The following ODR4 variants were observed in gnomAD, a reference collection of about 807,000 sequenced individuals.
ODR4 encodes the protein protein odr-4 homolog.
Under a neutral mutation model 60.2 loss-of-function variants are expected in ODR4, and 47 were observed. That is an observed-to-expected ratio of 0.78 (90% CI 0.62 to 1.00). ODR4 has a LOEUF of 1.00. ODR4 is among the 50% of genes least tolerant of loss of function. The pLI is 0.00. For synonymous variants in ODR4, 178 were observed against 175.5 expected, an observed-to-expected ratio of 1.01 and a Z score of -0.11; for missense variants, 488 against 530.8, an observed-to-expected ratio of 0.92 and a Z score of 0.79.
the ODR4 span, among the ~76,000 whole-genome samples, chr1:186,427,835 A>G: frequency 6.6e-6 from 1 of 152,228 alleles, no homozygotes; most frequent in African/African-American, 2.4e-5. Context: ...TAGGTATGAA[A>G]CAAACGTTAA....
chr1:186,430,551 T>C, the ODR4 span, among the ~76,000 whole-genome samples: 3 of 152,128 alleles, frequency 2.0e-5, no homozygotes, highest in African/African-American at 7.2e-5. Context: ...TGAATGTCAA[T>C]AAGCTAAGAT....
rs368723197 is a variant in ODR4 at position 186,381,857 on chromosome 1, C to A, written c.100-1165C>A. ...TCTTAACTGAGACCTACTTTCTTTT[C>A]CTGTGTTTATTTGAATGTAACTTCC... On this transcript the variant is annotated intron_variant, in intron 2 of 13. Coordinates refer to ENST00000287859, the MANE Select transcript of ODR4 (RefSeq NM_017847.6). Among the ~76,000 whole-genome samples the A allele has an allele frequency of 2.6e-4, 39 of 152,154 alleles. 1 individual carries two copies. The East Asian group carries it at 2.9e-3, about 11-fold the overall frequency.
intron 9 of ODR4, among the ~76,000 whole-genome samples, chr1:186,394,989 G>C (rs1660614815): frequency 6.6e-6 from 1 of 152,226 alleles, no homozygotes; most frequent in Non-Finnish European, 1.5e-5. Flanking sequence ...ATTTGGTTAA[G>C]ATTATTTTAT....
rs1661712824 is a variant in ODR4 at position 186,419,750 on chromosome 1, A to G, written c.*674A>G. ...TAAATTTAAAAAAAAAAGAATAATA[A>G]TTTGAACAGTGAATGTTGATGTAAC... On this transcript the variant is annotated 3_prime_UTR_variant, in exon 14 of 14. Transcript: ENST00000287859. 6.6e-6 allele frequency: 1 copy of G among 152,114 alleles called. No individual in the cohort carries two copies. Among genetic ancestry groups the G allele is most frequent in the Non-Finnish European group, 1.5e-5 (1 of 68,034 alleles). 9.4% of individuals were successfully genotyped at this position (152,114 alleles called of 1,614,324 possible). A position where few individuals can be genotyped will look rare whatever the true frequency, so the allele number is the denominator to read the frequency against.
At chr1:186,396,857 G>A (rs1660701966) in intron 9 of ODR4, among the ~76,000 whole-genome samples, 1 of 151,916 alleles carries the variant, frequency 6.6e-6, no homozygotes, top group African/African-American at 2.4e-5. Context: ...ATGTAAAATA[G>A]GACATTCTTT....
chr1:186,381,642 A>G (rs369505455), intron 2 of ODR4, among the ~76,000 whole-genome samples: 12 of 151,958 alleles, frequency 7.9e-5, no homozygotes, highest in South Asian at 2.1e-4. Context: ...CCTTCCTTCT[A>G]TCTCTTTTTA....
chr1:186,390,331 G>T (rs965253255), intron 6 of ODR4, among the ~76,000 whole-genome samples: 4 of 152,184 alleles, frequency 2.6e-5, no homozygotes, highest in African/African-American at 9.7e-5. Flanking sequence ...TAGCAAGGAT[G>T]GGACAGAAAG....
At chr1:186,414,545 A>G (rs1379874082) in intron 12 of ODR4, among the ~76,000 whole-genome samples, 1 of 148,074 alleles carries the variant, frequency 6.8e-6, no homozygotes, top group Non-Finnish European at 1.5e-5. Flanking sequence ...TTTTTGAGAC[A>G]GTCTTGCTCT....
chr1:186,398,754 C>T (rs949577033), intron 10 of ODR4, among the ~76,000 whole-genome samples, 200 bp from the exon 11 acceptor site: 3 of 151,978 alleles, frequency 2.0e-5, no homozygotes, highest in Non-Finnish European at 4.4e-5. Context: ...CTGTTTTTAA[C>T]TATTTAGATA....
intron 12 of ODR4, among the ~76,000 whole-genome samples, chr1:186,414,781 A>T (rs140078020): frequency 6.6e-6 from 1 of 152,162 alleles, no homozygotes; most frequent in Non-Finnish European, 1.5e-5. Flanking sequence ...CGGCCTCCCA[A>T]AGTGCTGGGA....
the ODR4 span, among the ~76,000 whole-genome samples, chr1:186,434,902 A>C: frequency 2.6e-5 from 4 of 152,332 alleles, no homozygotes; most frequent in South Asian, 4.1e-4. Context: ...AACCTTTAAA[A>C]ATGAATTAAT....
chr1:186,426,869 T>C, the ODR4 span, among the ~76,000 whole-genome samples: 2 of 152,190 alleles, frequency 1.3e-5, no homozygotes, highest in African/African-American at 4.8e-5. Context: ...TTTTTTGTTT[T>C]CCCAGTGCAT....
In ODR4 at chr1:186,419,189, C is replaced by G. The variant is rs1408892757; in HGVS notation, c.*113C>G. On this transcript the variant is annotated 3_prime_UTR_variant, in exon 14 of 14. Coordinates refer to ENST00000287859, the MANE Select transcript of ODR4 (RefSeq NM_017847.6). ...AAAACACTAGCAGCCAGATCTGCTG[C>G]CATGATGCCTATTTGGTGTGTTTCT... is the stretch of plus-strand genomic sequence containing the variant. The G allele has an allele frequency of 1.1e-6, 1 of 884,006 alleles. No individual in the cohort carries two copies. The highest frequency in any genetic ancestry group is 1.8e-6 in the Non-Finnish European group (1 of 555,124). The allele number at this position is 884,006 out of a possible 1,614,324, so 54.8% of individuals were successfully genotyped here. A position where few individuals can be genotyped will look rare whatever the true frequency, so the allele number is the denominator to read the frequency against.
At chr1:186,396,444 C>CA (rs1660679097) in intron 9 of ODR4, among the ~76,000 whole-genome samples, 1 of 151,828 alleles carries the variant, frequency 6.6e-6, no homozygotes, top group Non-Finnish European at 1.5e-5. Flanking sequence ...CCTGTCTCTA[C>CA]AAAAAAATAC....
chr1:186,391,714 G>C lies in ODR4; in HGVS notation c.634G>C (p.Ala212Pro). The C allele has an allele frequency of 6.2e-7, 1 of 1,601,148 alleles. No homozygotes were observed. The change falls in exon 8 of 14, where the codon GCC becomes CCC. Residue 212 changes from alanine to proline, a missense_variant. By Grantham distance (27) the Ala-to-Pro change is conservative. Coordinates refer to ENST00000287859, the MANE Select transcript of ODR4 (RefSeq NM_017847.6). ...TGTTAAGAATGGACTTACACGCTGG[G>C]CCAAGGAAATAGAAAATGGTGTTTA... ...KNTKNGLTRW[A>P]KEIENGVYLI...
intron 13 of ODR4, among the ~76,000 whole-genome samples, chr1:186,417,989 T>G (rs1661636219): frequency 6.6e-6 from 1 of 152,186 alleles, no homozygotes; most frequent in Non-Finnish European, 1.5e-5. Flanking sequence ...TTTTGATAGG[T>G]GTTCTATGAC....
At chr1:186,398,720 A>G (rs1291755822) in intron 10 of ODR4, among the ~76,000 whole-genome samples, 1 of 152,148 alleles carries the variant, frequency 6.6e-6, no homozygotes, top group Non-Finnish European at 1.5e-5. Context: ...TTATTTTTTT[A>G]GATGTGAAAT....
intron 9 of ODR4, among the ~76,000 whole-genome samples, chr1:186,394,747 A>G (rs1660605985): frequency 6.6e-6 from 1 of 152,116 alleles, no homozygotes; most frequent in Non-Finnish European, 1.5e-5. Context: ...GCATTTGAGG[A>G]TGTTTTAGTT....
intron 12 of ODR4, 97 bp downstream of exon 12, chr1:186,406,365 T>A (rs1661174925): frequency 3.3e-6 from 3 of 898,600 alleles, no homozygotes; most frequent in Non-Finnish European, 4.8e-6. Context: ...AGATTTTTTT[T>A]AAAGCTAGTT....
Sources: allele counts gnomAD v4.1 joint callset (sites outside exome capture counted in the v4.1 genomes callset), GRCh38; gene constraint gnomAD v4.1.1; transcripts MANE v1.5; gene names NCBI Gene and HGNC (gene_info 2026-07-23, HGNC 2026-07-21).